Variants in TBCK observed in about 807,000 individuals in gnomAD.
TBCK encodes TBC domain-containing protein kinase-like protein.
TBCK carries 99 observed loss-of-function variants against 113.4 expected under a neutral mutation model. That is an observed-to-expected ratio of 0.87 (90% CI 0.74 to 1.03). The LOEUF (loss-of-function observed/expected upper bound fraction) is 1.03. Among genes scored for constraint, TBCK ranks in the 50% least tolerant of loss-of-function variants. TBCK has a pLI of 0.00. For missense variants in TBCK, 1,045 were observed against 1,061.3 expected, an observed-to-expected ratio of 0.98 and a Z score of 0.21; for synonymous variants, 369 against 370.8, an observed-to-expected ratio of 1.00 and a Z score of 0.05.
At chr4:106,290,431 C>T (rs989171440) in intron 3 of TBCK, among the ~76,000 whole-genome samples, 1 of 152,150 alleles carries the variant, frequency 6.6e-6, no homozygotes, top group African/African-American at 2.4e-5. Context: ...CCACCTTGGC[C>T]TCCCAAAGTG....
intron 13 of TBCK, 34 bp from the exon 14 acceptor site, chr4:106,236,553 A>T: frequency 2.3e-6 from 3 of 1,328,934 alleles, no homozygotes; most frequent in Non-Finnish European, 2.0e-6. Context: ...AAAAAAAAAA[A>T]ATGGACAAAA....
chr4:106,070,002 C>T (rs1178042095), intron 25 of TBCK, among the ~76,000 whole-genome samples: 4 of 152,086 alleles, frequency 2.6e-5, no homozygotes, highest in African/African-American at 9.7e-5. Context: ...TATCCTGAGA[C>T]TTTGCTGAAG....
chr4:106,050,009 A>G (rs377754888), intron 25 of TBCK, among the ~76,000 whole-genome samples: 12 of 152,112 alleles, frequency 7.9e-5, no homozygotes, highest in African/African-American at 2.9e-4. Context: ...TCCTATACGT[A>G]TATGTGGAGA....
intron 19 of TBCK, among the ~76,000 whole-genome samples, chr4:106,223,415 T>C (rs1312388248): frequency 6.6e-6 from 1 of 152,160 alleles, no homozygotes; most frequent in African/African-American, 2.4e-5. Context: ...ACTTATCTCC[T>C]AGTTTGCCTG....
At chr4:106,118,823 GGGA>G (rs1188683267) in intron 23 of TBCK, among the ~76,000 whole-genome samples, 2 of 152,146 alleles carry the variant, frequency 1.3e-5, no homozygotes, top group African/African-American at 4.8e-5. Flanking sequence ...TGTATCATAT[GGGA>G]GGAGTTTTTC....
rs79409042 is a variant in TBCK, at chr4:106,046,283, T to C, written c.*287A>G. ...AATGGGATTTCTTGATAATGCTAAA[T>C]CTGTCTTGTCAGCTGAATTTCTTGG... On this transcript the variant is annotated 3_prime_UTR_variant, in exon 26 of 26. Transcript: ENST00000394708. 0.011 allele frequency: 2,894 copies of C among 262,334 alleles called. 34 individuals are homozygous for C. The highest frequency in any genetic ancestry group is 0.014 in the Non-Finnish European group (1,881 of 138,286). The allele number at this position is 262,334 out of a possible 1,614,324, so 16.3% of individuals were successfully genotyped here.
chr4:106,251,458 T>G (rs1161826106), intron 6 of TBCK, among the ~76,000 whole-genome samples: 1 of 151,866 alleles, frequency 6.6e-6, no homozygotes, highest in Non-Finnish European at 1.5e-5. Flanking sequence ...ACAGGTAGAG[T>G]TCATTGAAAA....
chr4:106,126,087 T>C lies in TBCK; in HGVS notation c.2236-9709A>G, dbSNP rs189264785. Among the ~76,000 whole-genome samples, 249 of 152,342 alleles carry C rather than the reference T, an allele frequency of 1.6e-3. 1 individual carries two copies. Among genetic ancestry groups the C allele is most frequent in the Non-Finnish European group, 2.6e-3 (180 of 68,026 alleles). On this transcript the variant is annotated intron_variant, in intron 23 of 25. Transcript: ENST00000394708. ...ACTTGCCTTTTCACGCCACTGTGCCTTTGCACATGTTGTTCCTTCGCTTAG... is the reference window on the plus strand; with the variant it reads ...ACTTGCCTTTTCACGCCACTGTGCCCTTGCACATGTTGTTCCTTCGCTTAG...
chr4:106,150,087 A>G (rs775694269), intron 23 of TBCK, among the ~76,000 whole-genome samples: 38 of 152,342 alleles, frequency 2.5e-4, no homozygotes, highest in Non-Finnish European at 5.0e-4. Flanking sequence ...TCAGGGAGAC[A>G]GAATTAAAAG....
At chr4:106,264,590 T>C (rs1762812311) in intron 3 of TBCK, among the ~76,000 whole-genome samples, 1 of 151,942 alleles carries the variant, frequency 6.6e-6, no homozygotes, top group Non-Finnish European at 1.5e-5. Context: ...CATATGATAA[T>C]AATGATTAAC....
chr4:106,291,844 A>G (rs1426611533), intron 3 of TBCK, among the ~76,000 whole-genome samples: 1 of 152,248 alleles, frequency 6.6e-6, no homozygotes, highest in Non-Finnish European at 1.5e-5. Context: ...TGATGAAATA[A>G]CAGAGGATAT....
intron 23 of TBCK, among the ~76,000 whole-genome samples, chr4:106,145,615 C>T (rs559709105): frequency 1.5e-4 from 23 of 152,140 alleles, no homozygotes; most frequent in Admixed American, 3.3e-4. Flanking sequence ...ATTAGATGTG[C>T]GAAAACATGA....
At chr4:106,090,038 C>T (rs879319270) in intron 25 of TBCK, among the ~76,000 whole-genome samples, 8 of 152,206 alleles carry the variant, frequency 5.3e-5, no homozygotes, top group South Asian at 2.1e-4. Flanking sequence ...CTCCACTCTA[C>T]GTTTCCCATT....
intron 25 of TBCK, among the ~76,000 whole-genome samples, chr4:106,046,961 T>C (rs1734285730): frequency 6.6e-6 from 1 of 152,208 alleles, no homozygotes; most frequent in Admixed American, 6.5e-5. Flanking sequence ...TCAAATTCAG[T>C]AGTAAAGGGT....
At chr4:106,109,956 T>C (rs1452862212) in intron 24 of TBCK, among the ~76,000 whole-genome samples, 2 of 152,198 alleles carry the variant, frequency 1.3e-5, no homozygotes, top group Non-Finnish European at 2.9e-5. Flanking sequence ...CAAACCCTCT[T>C]ATCCGGAGCC....
chr4:106,302,163 T>C (rs991203883), intron 2 of TBCK, among the ~76,000 whole-genome samples: 3 of 152,146 alleles, frequency 2.0e-5, no homozygotes, highest in African/African-American at 7.2e-5. Flanking sequence ...TTAGAATATA[T>C]AAACTTTACA....
In TBCK at chr4:106,114,429, C is replaced by T. The variant is rs189532855; in HGVS notation, c.2411+1774G>A. Among the ~76,000 whole-genome samples the T allele has an allele frequency of 1.6e-3, 237 of 152,298 alleles. 1 individual carries two copies. Among genetic ancestry groups the T allele is most frequent in the African/African-American group, 5.2e-3 (218 of 41,556 alleles). Reference sequence around the variant, plus strand: ...CCCATGCATGACTGCTATCTCCGGGCAGGGTGACTATGTTAATTACGCAAA... The same window carrying T: ...CCCATGCATGACTGCTATCTCCGGGTAGGGTGACTATGTTAATTACGCAAA... On this transcript the variant is annotated intron_variant, in intron 24 of 25. Transcript: ENST00000394708.
intron 3 of TBCK, among the ~76,000 whole-genome samples, chr4:106,287,018 G>T (rs1765180869): frequency 6.6e-6 from 1 of 152,110 alleles, no homozygotes; most frequent in Non-Finnish European, 1.5e-5. Context: ...CCATATACAG[G>T]CAGAGGGGGA....
At chr4:106,156,670 T>C (rs1431401884) in intron 23 of TBCK, among the ~76,000 whole-genome samples, 1 of 152,076 alleles carries the variant, frequency 6.6e-6, no homozygotes. Flanking sequence ...ATGGAGAGTA[T>C]TGCTAGGCTA....
Sources: gnomAD v4.1 joint callset for allele counts (sites outside exome capture counted in the v4.1 genomes callset) on GRCh38, gnomAD v4.1.1 for gene constraint, MANE v1.5 for transcripts, NCBI Gene and HGNC (gene_info 2026-07-23, HGNC 2026-07-21) for gene names.